Variants in CCDC7 observed in about 807,000 individuals in gnomAD.
The protein encoded by CCDC7 is coiled-coil domain containing 7, also known as coiled-coil domain-containing protein 7.
A neutral mutation model predicts 196.9 loss-of-function variants in CCDC7; 183 were observed. That is an observed-to-expected ratio of 0.93 (90% confidence interval 0.82 to 1.05). CCDC7 has a LOEUF of 1.05. CCDC7 is among the 50% of genes least tolerant of loss of function. The probability of loss-of-function intolerance (pLI) is 0.00; values close to 1 mark genes in which losing one functional copy is unlikely to be tolerated. For missense variants in CCDC7, 1,540 were observed against 1,482.2 expected (o/e 1.04, Z -0.64); for synonymous variants, 525 against 484.6 (o/e 1.08, Z -1.10).
chr10:32,640,108 G>A (rs1446654560), intron 20 of CCDC7, among the ~76,000 whole-genome samples: 3 of 152,222 alleles, frequency 2.0e-5, no homozygotes, highest in East Asian at 3.9e-4. Flanking sequence ...TTAACTTTCT[G>A]TCTCGTCGAT....
Position 32,742,662 on chromosome 10 carries a change from A to T in CCDC7, c.2905+13205A>T, listed in dbSNP as rs2086067614. ...TAGACTAGGTAGCTGAAACAACAGA[A>T]CTTATTTTCTCACAGTTCTGAAGGT... On this transcript the variant is annotated intron_variant, in intron 28 of 41. Transcript: ENST00000639629. 2.0e-5 allele frequency among the ~76,000 whole-genome samples: 3 copies of T among 152,284 alleles called. No homozygotes were observed. The South Asian group carries it at 6.2e-4, about 32-fold the overall frequency.
At chr10:32,670,362 C>T (rs1279911554) in intron 21 of CCDC7, among the ~76,000 whole-genome samples, 1 of 151,442 alleles carries the variant, frequency 6.6e-6, no homozygotes, top group East Asian at 1.9e-4. Flanking sequence ...TGTTGATTTC[C>T]TATACTTTTA....
intron 16 of CCDC7, among the ~76,000 whole-genome samples, chr10:32,572,972 G>C (rs181504824): frequency 6.8e-6 from 1 of 146,750 alleles, no homozygotes; most frequent in South Asian, 2.2e-4. Context: ...CTGCCTCCCA[G>C]GTTCAAGTGA....
At chr10:32,715,988 T>C (rs758799787) in intron 25 of CCDC7, among the ~76,000 whole-genome samples, 14 of 152,104 alleles carry the variant, frequency 9.2e-5, no homozygotes, top group Non-Finnish European at 1.0e-4. Flanking sequence ...TGCAGGATAT[T>C]ATCCAGGAGA....
intron 21 of CCDC7, among the ~76,000 whole-genome samples, chr10:32,669,369 G>C (rs1300075823): frequency 6.6e-6 from 1 of 152,056 alleles, no homozygotes; most frequent in African/African-American, 2.4e-5. Context: ...GTCCTTGTCT[G>C]GCTTTGGTAT....
At chr10:32,658,828 A>G in intron 20 of CCDC7, among the ~76,000 whole-genome samples, 1 of 152,188 alleles carries the variant, frequency 6.6e-6, no homozygotes, top group Middle Eastern at 3.4e-3. Context: ...AGATTATTCA[A>G]TTTTTGGTGT....
chr10:32,482,980 G>A (rs564224745), intron 8 of CCDC7, among the ~76,000 whole-genome samples: 59 of 152,222 alleles, frequency 3.9e-4, no homozygotes, highest in African/African-American at 1.3e-3. Flanking sequence ...TGTCTTTATA[G>A]CAGCATGATT....
chr10:32,697,867 C>T (rs2077986906), intron 24 of CCDC7, among the ~76,000 whole-genome samples: 1 of 152,206 alleles, frequency 6.6e-6, no homozygotes, highest in Non-Finnish European at 1.5e-5. Context: ...GGACAGACTG[C>T]TTCCTAAAGT....
At chr10:32,536,169 C>T (rs936809892) in intron 11 of CCDC7, among the ~76,000 whole-genome samples, 4 of 152,088 alleles carry the variant, frequency 2.6e-5, no homozygotes, top group Admixed American at 2.0e-4. Flanking sequence ...TTGAGAATTC[C>T]AAAAGCTAAT....
chr10:32,610,082 AG>A (rs1420624498), intron 18 of CCDC7, among the ~76,000 whole-genome samples: 2 of 151,188 alleles, frequency 1.3e-5, no homozygotes, highest in East Asian at 1.9e-4. Context: ...AAATATATTT[AG>A]GGGGTACATA....
At chr10:32,845,292 G>A in exon 34 of CCDC7, 12 of 1,575,840 alleles carry the variant, frequency 7.6e-6, no homozygotes, top group African/African-American at 1.4e-5. Flanking sequence ...GTATAATAAA[G>A]GGATCAATCA....
At chr10:32,500,620 A>T (rs2043838803) in intron 9 of CCDC7, among the ~76,000 whole-genome samples, 1 of 151,532 alleles carries the variant, frequency 6.6e-6, no homozygotes, top group South Asian at 2.1e-4. Flanking sequence ...CCAGGCAGAG[A>T]CGCTCCTCAC....
Position 32,471,228 on chromosome 10 carries a change from T to TA in CCDC7, c.676dup (p.Met226AsnfsTer3). ...CCGTGAAAGTCATGTTGTCTAAAACTATGTAAGTGAAATATAAGAACTAAT... is the reference window on the plus strand; with the variant it reads ...CCGTGAAAGTCATGTTGTCTAAAACTAATGTAAGTGAAATATAAGAACTAAT... On this transcript the variant is annotated frameshift_variant and splice_region_variant, in exon 6 of 42. Coordinates refer to ENST00000639629, the Ensembl canonical transcript of CCDC7. LOFTEE classifies it high-confidence loss of function. 6.2e-7 allele frequency: 1 copy of TA among 1,603,918 alleles called. No individual in the cohort carries two copies. The highest frequency in any genetic ancestry group is 8.5e-7 in the Non-Finnish European group (1 of 1,177,048).
chr10:32,462,882 A>G, intron 4 of CCDC7, 135 bp from the exon 6 acceptor site: 1 of 1,378,580 alleles, frequency 7.3e-7, no homozygotes, highest in Admixed American at 2.4e-5. Context: ...ATCCCAAGTG[A>G]TGTTTCGGTC....
chr10:32,532,889 T>C (rs1242167520), intron 11 of CCDC7, among the ~76,000 whole-genome samples: 1 of 152,102 alleles, frequency 6.6e-6, no homozygotes, highest in Non-Finnish European at 1.5e-5. Flanking sequence ...AGCGTATCAT[T>C]GAGTCTTGTT....
intron 31 of CCDC7, among the ~76,000 whole-genome samples, chr10:32,822,245 C>T (rs1234832233): frequency 6.6e-6 from 1 of 152,124 alleles, no homozygotes; most frequent in Non-Finnish European, 1.5e-5. Context: ...ATATATTCCA[C>T]CTTCTTTCTT....
At chr10:32,602,859 C>T (rs1291125396) in intron 18 of CCDC7, among the ~76,000 whole-genome samples, 2 of 152,106 alleles carry the variant, frequency 1.3e-5, no homozygotes, top group Non-Finnish European at 2.9e-5. Flanking sequence ...TACTTATAGG[C>T]ACATGTGACA....
chr10:32,685,791 C>T (rs1378474377), intron 21 of CCDC7, among the ~76,000 whole-genome samples, 179 bp from the exon 23 acceptor site: 1 of 152,120 alleles, frequency 6.6e-6, no homozygotes. Context: ...CATCAACATA[C>T]AGCCATTAAA....
chr10:32,589,580 T>C (rs191086673), intron 18 of CCDC7, among the ~76,000 whole-genome samples: 75 of 152,230 alleles, frequency 4.9e-4, no homozygotes, highest in African/African-American at 1.6e-3. Flanking sequence ...GTTTATAGTG[T>C]AGATTAAGTA....
Sources: allele counts gnomAD v4.1 joint callset (sites outside exome capture counted in the v4.1 genomes callset), GRCh38; gene constraint gnomAD v4.1.1; transcripts MANE v1.5; gene names NCBI Gene and HGNC (gene_info 2026-07-23, HGNC 2026-07-21).